Variants in PCDH7 observed in about 807,000 individuals in gnomAD.
PCDH7 encodes the protein protocadherin-7.
PCDH7 carries 17 observed loss-of-function variants against 58.9 expected under a neutral mutation model. That is an observed-to-expected ratio of 0.29 (90% CI 0.20 to 0.43). The LOEUF is 0.43. Ranked by LOEUF, PCDH7 falls within the 20% of genes least tolerant of loss-of-function variation. The pLI is 1.00. For missense variants in PCDH7, 1,274 were observed against 1,441.0 expected, an observed-to-expected ratio of 0.88 and a Z score of 1.88; for synonymous variants, 664 against 616.4, an observed-to-expected ratio of 1.08 and a Z score of -1.14.
chr4:30,907,814 G>A (rs184180884), intron 1 of PCDH7, among the ~76,000 whole-genome samples: 162 of 152,066 alleles, frequency 1.1e-3, no homozygotes, highest in African/African-American at 3.8e-3. Context: ...TGTTTATTGC[G>A]GCACTACTCA....
chr4:30,898,884 C>T (rs772963915), intron 1 of PCDH7, among the ~76,000 whole-genome samples: 8 of 152,160 alleles, frequency 5.3e-5, no homozygotes, highest in Non-Finnish European at 1.0e-4. Flanking sequence ...AGCCACGGCG[C>T]CTGGCCTGAA....
In PCDH7 at chr4:30,864,048, T is replaced by A. The variant is rs556473362; in HGVS notation, c.71-56105T>A. ...TTAATCTGTGATTGGCTCAATACAG[T>A]GCACAAAAGACTGGCAGAGGAATTC... On this transcript the variant is annotated intron_variant, in intron 1 of 3. Transcript: ENST00000509759. 7.2e-5 allele frequency among the ~76,000 whole-genome samples: 11 copies of A among 152,230 alleles called. 1 individual carries two copies. In the South Asian group the frequency reaches 2.3e-3, roughly 32 times the overall value.
At chr4:30,865,699 C>G (rs1560448629) in intron 1 of PCDH7, among the ~76,000 whole-genome samples, 1 of 152,002 alleles carries the variant, frequency 6.6e-6, no homozygotes, top group East Asian at 1.9e-4. Flanking sequence ...TGGAAAACCT[C>G]ATAGGAAGGA....
chr4:31,055,387 A>T (rs556210313), intron 3 of PCDH7, among the ~76,000 whole-genome samples: 2 of 152,212 alleles, frequency 1.3e-5, no homozygotes, highest in South Asian at 4.1e-4. Context: ...GTAGTATAGT[A>T]GCTGTGCATT....
intron 3 of PCDH7, among the ~76,000 whole-genome samples, chr4:30,992,816 T>C (rs796667875): frequency 4.5e-4 from 67 of 147,800 alleles, no homozygotes; most frequent in African/African-American, 1.5e-3. Context: ...TTTTTTTTTT[T>C]TTGACGGAGT....
At chr4:31,024,679 C>T (rs1754285147) in intron 3 of PCDH7, among the ~76,000 whole-genome samples, 2 of 151,988 alleles carry the variant, frequency 1.3e-5, no homozygotes, top group East Asian at 1.9e-4. Flanking sequence ...TTCAGAGAAA[C>T]AATGTGTGAT....
intron 3 of PCDH7, among the ~76,000 whole-genome samples, chr4:30,986,730 C>T (rs1347793911): frequency 6.6e-6 from 1 of 151,994 alleles, no homozygotes; most frequent in Non-Finnish European, 1.5e-5. Context: ...TGCCTGTAAT[C>T]CCAGCACTTT....
intron 3 of PCDH7, among the ~76,000 whole-genome samples, chr4:30,989,686 T>C (rs894678447): frequency 5.3e-5 from 8 of 152,128 alleles, no homozygotes; most frequent in Admixed American, 2.0e-4. Flanking sequence ...CTCAATGAGT[T>C]AGAGATTCAT....
chr4:30,819,640 CTAAGT>C (rs1443490489), intron 1 of PCDH7, among the ~76,000 whole-genome samples: 7 of 152,106 alleles, frequency 4.6e-5, no homozygotes, highest in African/African-American at 1.7e-4. Flanking sequence ...TCTTGAATAA[CTAAGT>C]TAAAGTTGGT....
rs1382891555 is a variant in PCDH7 at position 30,724,145 on chromosome 4, A to T, written c.2723A>T (p.Asn908Ile). 4 of 1,614,110 alleles carry T rather than the reference A, an allele frequency of 2.5e-6. No homozygotes were observed. In the African/African-American group the frequency reaches 5.3e-5, roughly 22 times the overall value. Residue 908 changes from asparagine (N) to isoleucine (I), a missense_variant, in exon 1 of 2, where the codon AAT (asparagine) becomes ATT (isoleucine). By Grantham distance (149) the Asn-to-Ile change is moderately radical. This residue lies in a region of PCDH7 where 731 missense variants were observed against 881.9 expected (regional missense o/e 0.83). Coordinates refer to ENST00000361762, the Ensembl canonical transcript of PCDH7. Reference sequence around the variant, plus strand: ...ATGGCAAGGTACTGCAGGTCCAAAAATAAAAATGGCTATGAAGCCGGCAAA... The same window carrying T: ...ATGGCAAGGTACTGCAGGTCCAAAATTAAAAATGGCTATGAAGCCGGCAAA...
At chr4:30,808,664 A>G (rs796909259) in intron 1 of PCDH7, among the ~76,000 whole-genome samples, 6 of 152,196 alleles carry the variant, frequency 3.9e-5, no homozygotes, top group African/African-American at 1.2e-4. Flanking sequence ...ATAAAAACAA[A>G]TTGTAGAAAT....
At chr4:30,995,424 C>A (rs1023709780) in intron 3 of PCDH7, among the ~76,000 whole-genome samples, 1 of 151,800 alleles carries the variant, frequency 6.6e-6, no homozygotes, top group African/African-American at 2.4e-5. Flanking sequence ...ACGCAGGAGA[C>A]TGGTGTGAAC....
At chr4:30,993,968 T>C (rs1329661626) in intron 3 of PCDH7, among the ~76,000 whole-genome samples, 2 of 152,154 alleles carry the variant, frequency 1.3e-5, no homozygotes, top group African/African-American at 4.8e-5. Context: ...GCTAAGTTGG[T>C]AACTAGTTGA....
intron 1 of PCDH7, among the ~76,000 whole-genome samples, chr4:30,802,971 C>T (rs373951913): frequency 3.3e-5 from 5 of 151,786 alleles, no homozygotes; most frequent in African/African-American, 9.7e-5. Flanking sequence ...AAGGCAGCTG[C>T]GAGAGAAGGT....
chr4:30,901,287 G>C (rs996902972), intron 1 of PCDH7, among the ~76,000 whole-genome samples: 1 of 152,054 alleles, frequency 6.6e-6, no homozygotes, highest in Non-Finnish European at 1.5e-5. Context: ...ATAGTAAACA[G>C]AAAAACCAGA....
chr4:30,732,761 T>C (rs1252663137), exon 2 of PCDH7: 1 of 152,084 alleles, frequency 6.6e-6, no homozygotes, highest in Non-Finnish European at 1.5e-5. Context: ...TAGGAAGTTA[T>C]GGCTATTTAC....
chr4:30,970,529 G>C (rs1749490309), intron 3 of PCDH7, among the ~76,000 whole-genome samples: 2 of 152,112 alleles, frequency 1.3e-5, no homozygotes, highest in South Asian at 2.1e-4. Context: ...TCCTGACCTA[G>C]TGATCCCCCC....
At chr4:30,779,768 ATAC>A (rs1381915971) in intron 1 of PCDH7, among the ~76,000 whole-genome samples, 1 of 152,178 alleles carries the variant, frequency 6.6e-6, no homozygotes, top group Non-Finnish European at 1.5e-5. Flanking sequence ...TCACCTGGAA[ATAC>A]TTTGTATTTT....
chr4:30,722,285 G>T lies in PCDH7; in HGVS notation c.863G>T (p.Arg288Leu). The change falls in exon 1 of 2, where the codon CGC becomes CTC. Residue 288 changes from arginine (R) to leucine (L), a missense_variant. Coordinates refer to ENST00000361762, the Ensembl canonical transcript of PCDH7. This position sits in a 1 kb window ranked among gnomAD's most constrained non-coding sequence, Gnocchi z 7.6. ...GTGCGCGACGGCGGCGACCCGCCTCGCTCCTCGCAGGCCATCCTACGGGTC... is the reference window on the plus strand; with the variant it reads ...GTGCGCGACGGCGGCGACCCGCCTCTCTCCTCGCAGGCCATCCTACGGGTC... 1 of 1,602,948 alleles carries T rather than the reference G, an allele frequency of 6.2e-7. No homozygotes were observed. Among genetic ancestry groups the T allele is most frequent in the Non-Finnish European group, 8.5e-7 (1 of 1,175,834 alleles).
Sources: allele counts gnomAD v4.1 joint callset (sites outside exome capture counted in the v4.1 genomes callset), GRCh38; gene constraint gnomAD v4.1.1; regional missense constraint gnomAD v4.1.1; non-coding constraint Gnocchi (gnomAD v3.1); transcripts MANE v1.5; gene names NCBI Gene and HGNC (gene_info 2026-07-23, HGNC 2026-07-21).